PLCD1: variants seen among roughly 807,000 people sequenced by gnomAD.
PLCD1 encodes 1-phosphatidylinositol 4,5-bisphosphate phosphodiesterase delta-1.
In PLCD1, 71 loss-of-function variants were observed where a neutral mutation model predicts 87.4. That is an observed-to-expected ratio of 0.81 (90% CI 0.67 to 0.99). The LOEUF (loss-of-function observed/expected upper bound fraction) is 0.99. Among genes scored for constraint, PLCD1 ranks in the 50% least tolerant of loss-of-function variants. The pLI is 0.00. For synonymous variants in PLCD1, 348 were observed against 399.2 expected, an observed-to-expected ratio of 0.87 and a Z score of 1.53; for missense variants, 867 against 1,001.5, an observed-to-expected ratio of 0.87 and a Z score of 1.81.
intron 2 of PLCD1, among the ~76,000 whole-genome samples, chr3:38,019,472 C>T (rs1467971756): frequency 6.6e-6 from 1 of 152,136 alleles, no homozygotes; most frequent in Admixed American, 6.5e-5. Context: ...AAAATTTCCC[C>T]ACCAAGTAAA....
chr3:38,013,509 C>T (rs889517813), intron 3 of PLCD1, among the ~76,000 whole-genome samples: 1 of 152,146 alleles, frequency 6.6e-6, no homozygotes, highest in Admixed American at 6.5e-5. Context: ...CACTGCGCCC[C>T]GCCCGGATTT....
intron 3 of PLCD1, 36 bp from the exon 4 acceptor site, chr3:38,011,709 G>A (rs1360923988): frequency 6.2e-7 from 1 of 1,613,108 alleles, no homozygotes; most frequent in Non-Finnish European, 8.5e-7. Context: ...CAGGAACCCT[G>A]GAACCTACCA....
intron 3 of PLCD1, chr3:38,014,603 G>A (rs2125546740): frequency 6.5e-6 from 1 of 153,788 alleles, no homozygotes; most frequent in East Asian, 1.9e-4. Flanking sequence ...ACAACTAATT[G>A]ATCACAAGCA....
intron 14 of PLCD1, 68 bp downstream of exon 14, chr3:38,007,946 G>C: frequency 6.2e-7 from 1 of 1,607,970 alleles, no homozygotes; most frequent in Non-Finnish European, 8.5e-7. Flanking sequence ...GGGACAGCCA[G>C]CCCCAGCCCA....
chr3:38,014,921 C>G (rs572926056), intron 3 of PLCD1, among the ~76,000 whole-genome samples: 15 of 152,214 alleles, frequency 9.9e-5, no homozygotes, highest in African/African-American at 3.6e-4. Context: ...AATGAGATAC[C>G]ACTTCATACC....
In PLCD1 at chr3:38,011,457, G is replaced by C; in HGVS notation, c.559-12C>G. ...GAGTGGTCACACTCCTGCAGAGCCA[G>C]GACAGCCGAGTGGGCTCAGAGCAGG... is the stretch of plus-strand genomic sequence containing the variant. On this transcript the variant is annotated splice_polypyrimidine_tract_variant and intron_variant, in intron 4 of 14. Transcript: ENST00000334661. The C allele has an allele frequency of 6.2e-7, 1 of 1,613,792 alleles. No homozygotes were observed. The highest frequency in any genetic ancestry group is 8.5e-7 in the Non-Finnish European group (1 of 1,179,636).
intron 1 of PLCD1, among the ~76,000 whole-genome samples, chr3:38,023,582 C>T (rs1020151531): frequency 1.3e-5 from 2 of 152,088 alleles, no homozygotes; most frequent in Non-Finnish European, 2.9e-5. Flanking sequence ...GTAGCTTACC[C>T]ACAGGGTCAG....
intron 14 of PLCD1, 57 bp downstream of exon 14, chr3:38,007,957 A>G (rs2125542373): frequency 2.5e-6 from 4 of 1,611,880 alleles, no homozygotes; most frequent in East Asian, 4.5e-5. Flanking sequence ...CCCCAGCCCA[A>G]GAGACGCCAG....
chr3:38,021,676 C>T (rs894022102), intron 1 of PLCD1, among the ~76,000 whole-genome samples: 1 of 152,208 alleles, frequency 6.6e-6, no homozygotes, highest in Non-Finnish European at 1.5e-5. Context: ...CAATCGGCCA[C>T]TTCACTTCTC....
chr3:38,008,993 G>T, intron 11 of PLCD1, 49 bp downstream of exon 11: 1 of 1,481,982 alleles, frequency 6.7e-7, no homozygotes, highest in Non-Finnish European at 9.4e-7. Context: ...CCCCGGCCTT[G>T]GGACTGAAAC....
At position 38,009,375 on chromosome 3, in the gene PLCD1, ACT is replaced by A. The variant is rs1700029829; in HGVS notation, c.1501_1502del (p.Ser501CysfsTer24). On this transcript the variant is annotated frameshift_variant, in exon 10 of 15. Transcript: ENST00000334661. LOFTEE classifies it high-confidence loss of function. The part of the protein sequence containing the change: ...ELSDMVIYCK[S>X]VHFGGFSSPG... Reference sequence around the variant, plus strand: ...GACTGGAGAAGCCCCCAAAGTGGACACTCTTGCAGTAAATGACCATGTCAGAG... The same window carrying A: ...GACTGGAGAAGCCCCCAAAGTGGACACTTGCAGTAAATGACCATGTCAGAG... 6.2e-7 allele frequency: 1 copy of A among 1,613,848 alleles called. No individual in the cohort carries two copies. Among genetic ancestry groups the A allele is most frequent in the Non-Finnish European group, 8.5e-7 (1 of 1,179,956 alleles).
In PLCD1 at chr3:38,016,589, G is replaced by A. The variant is rs977890124; in HGVS notation, c.330C>T (p.Leu110=). 10 of 1,613,906 alleles carry A rather than the reference G, an allele frequency of 6.2e-6. No homozygotes were observed. Among genetic ancestry groups the A allele is most frequent in the Middle Eastern group, 1.6e-4 (1 of 6,062 alleles). ...GGGCATCAGCTGGCGATGGGGCGAT[G>A]AGGTCTAGTGTATTGCGCTGGTCCT... ...VFKDQRNTLD[L]IAPSPADAQH... is the part of the protein sequence containing the mutation. Residue 110 remains leucine, a synonymous_variant, in exon 3 of 15, where the codon CTC becomes CTT. Coordinates refer to ENST00000334661, the MANE Select transcript of PLCD1 (RefSeq NM_006225.4).
In PLCD1 at chr3:38,008,565, A is replaced by G. The variant is rs979689901; in HGVS notation, c.1795T>C (p.Cys599Arg). Reference protein sequence around the residue: ...YQGRFQDNGACGYVLKPAFLR... With the variant: ...YQGRFQDNGARGYVLKPAFLR... The stretch of plus-strand genomic sequence containing the variant: ...AAGGCGGGCTTCAGCACGTACCCAC[A>G]GGCCCCGTTGTCCTGGAAGCGGCCC... The change falls in exon 12 of 15, where the codon TGT (cysteine) becomes CGT (arginine). Residue 599 changes from cysteine (C) to arginine (R), a missense_variant. Physicochemically the swap from Cys to Arg is radical, Grantham distance 180. Transcript: ENST00000334661. 2 of 1,614,084 alleles carry G rather than the reference A, an allele frequency of 1.2e-6. No homozygotes were observed. The highest frequency in any genetic ancestry group is 8.5e-7 in the Non-Finnish European group (1 of 1,179,998).
intron 3 of PLCD1, among the ~76,000 whole-genome samples, chr3:38,013,718 G>T (rs979464393): frequency 1.3e-5 from 2 of 152,200 alleles, no homozygotes; most frequent in African/African-American, 4.8e-5. Context: ...TAGGCAGCAG[G>T]ACTCTGCAGA....
In PLCD1 at chr3:38,029,033, G is replaced by A. The variant is rs866382495; in HGVS notation, c.34+473C>T. On this transcript the variant is annotated intron_variant, in intron 1 of 14. Coordinates refer to ENST00000334661, the MANE Select transcript of PLCD1 (RefSeq NM_006225.4). Reference sequence around the variant, plus strand: ...CCTTGCACACCTCCTCTCCCCACCCGCTTAGCCCCTGCTCCGCCACACCCG... The same window carrying A: ...CCTTGCACACCTCCTCTCCCCACCCACTTAGCCCCTGCTCCGCCACACCCG... 3.2e-4 allele frequency among the ~76,000 whole-genome samples: 48 copies of A among 152,348 alleles called. 1 individual carries two copies. Among genetic ancestry groups the A allele is most frequent in the Admixed American group, 2.8e-3 (43 of 15,302 alleles).
chr3:38,011,154 G>C lies in PLCD1; in HGVS notation c.790+60C>G. 3 of 1,356,082 alleles carry C rather than the reference G, an allele frequency of 2.2e-6. No individual in the cohort carries two copies. In the Admixed American group the frequency reaches 5.5e-5, roughly 25 times the overall value. 84.0% of individuals were successfully genotyped at this position (1,356,082 alleles called of 1,614,324 possible). On this transcript the variant is annotated intron_variant, in intron 5 of 14. Coordinates refer to ENST00000334661, the MANE Select transcript of PLCD1 (RefSeq NM_006225.4). ...TCTTTCTGGCTGCAGTCTCCCCAGG[G>C]GTCTCCCAGCCCAGTGCGGCCCTGC...
At chr3:38,028,880 C>T (rs973207231) in intron 1 of PLCD1, among the ~76,000 whole-genome samples, 6 of 152,262 alleles carry the variant, frequency 3.9e-5, no homozygotes, top group Non-Finnish European at 7.3e-5. Flanking sequence ...CAGGCAGCTC[C>T]GGCTGAGACC....
chr3:38,012,540 G>A (rs111967357), intron 3 of PLCD1, among the ~76,000 whole-genome samples: 2 of 143,930 alleles, frequency 1.4e-5, no homozygotes, highest in Non-Finnish European at 3.0e-5. Context: ...TTTTGGAGAC[G>A]GAGTCTTGCT....
chr3:38,012,670 C>T (rs1700098728), intron 3 of PLCD1, among the ~76,000 whole-genome samples: 1 of 152,194 alleles, frequency 6.6e-6, no homozygotes, highest in African/African-American at 2.4e-5. Flanking sequence ...GCGTATGCTA[C>T]CATGCCCAGC....
Sources: gnomAD v4.1 joint callset for allele counts (sites outside exome capture counted in the v4.1 genomes callset) on GRCh38, gnomAD v4.1.1 for gene constraint, MANE v1.5 for transcripts, NCBI Gene and HGNC (gene_info 2026-07-23, HGNC 2026-07-21) for gene names.